HTRA1: variants seen among roughly 807,000 people sequenced by gnomAD.
The protein encoded by HTRA1 is serine protease HTRA1.
A neutral mutation model predicts 49.7 loss-of-function variants in HTRA1; 26 were observed. The observed-to-expected ratio is 0.52, with a 90% confidence interval of 0.38 to 0.73. The LOEUF (loss-of-function observed/expected upper bound fraction) is 0.73. Ranked by LOEUF, HTRA1 falls within the 30% of genes least tolerant of loss-of-function variation. The pLI is 0.00. For synonymous variants in HTRA1, 291 were observed against 286.9 expected, an observed-to-expected ratio of 1.01 and a Z score of -0.14; for missense variants, 561 against 667.2, an observed-to-expected ratio of 0.84 and a Z score of 1.75.
At chr10:122,503,208 G>A (rs2097501667) in intron 3 of HTRA1, among the ~76,000 whole-genome samples, 1 of 152,246 alleles carries the variant, frequency 6.6e-6, no homozygotes, top group Admixed American at 6.5e-5. Flanking sequence ...CGGCGCCTGT[G>A]GCTGTGCACT....
intron 1 of HTRA1, among the ~76,000 whole-genome samples, chr10:122,483,409 C>T (rs143582715): frequency 1.3e-5 from 2 of 152,136 alleles, no homozygotes; most frequent in Non-Finnish European, 2.9e-5. Context: ...GAAATATTTA[C>T]TAGGTAAGTG....
At chr10:122,500,280 C>G (rs1371035418) in intron 3 of HTRA1, among the ~76,000 whole-genome samples, 1 of 152,182 alleles carries the variant, frequency 6.6e-6, no homozygotes, top group African/African-American at 2.4e-5. Flanking sequence ...ATCATCTGAC[C>G]CCATTGGGGA....
intron 3 of HTRA1, among the ~76,000 whole-genome samples, chr10:122,501,961 GTTTTTTTTTTTTTT>G (rs541582341): frequency 1.1e-4 from 8 of 73,532 alleles, no homozygotes; most frequent in African/African-American, 1.2e-4. Flanking sequence ...TCCATTTGGA[GTTTTTTTTTTTTTT>G]TTTTTTTTTT....
At chr10:122,474,584 A>G (rs1158913367) in intron 1 of HTRA1, among the ~76,000 whole-genome samples, 1 of 152,162 alleles carries the variant, frequency 6.6e-6, no homozygotes, top group Non-Finnish European at 1.5e-5. Context: ...AGACATAACA[A>G]CCTATGTTGA....
rs1275952512 is a variant in HTRA1 at position 122,496,225 on chromosome 10, GTTCTTTTTTTTTTTTTTT to G, written c.777+6602_777+6619del. 5.0e-4 allele frequency among the ~76,000 whole-genome samples: 40 copies of G among 80,406 alleles called. 3 individuals are homozygous for G. Among genetic ancestry groups the G allele is most frequent in the Admixed American group, 7.7e-4 (5 of 6,506 alleles). The allele number at this position is 80,406 out of a possible 152,430, so 52.7% of individuals were successfully genotyped here. On this transcript the variant is annotated intron_variant, in intron 3 of 8. Coordinates refer to ENST00000368984, the MANE Select transcript of HTRA1 (RefSeq NM_002775.5). ...CCCTTTCGTTTGCCAGAGATTGTGG[GTTCTTTTTTTTTTTTTTT>G]TTTTTTTTTTTTTTTTGCAGAGATG...
In HTRA1 at chr10:122,487,322, G is replaced by A. The variant is rs1591031539; in HGVS notation, c.473-1580G>A. On this transcript the variant is annotated intron_variant, in intron 1 of 8. Transcript: ENST00000368984. The surrounding 1 kb of genome is among the most constrained non-coding windows in gnomAD (Gnocchi z 4.8). ...TTTAGCAGAGACTTGTTAAGAGGTA[G>A]CAGCAGGTGGCAAGATTAGGAGCCG... is the stretch of plus-strand genomic sequence containing the variant. Among the ~76,000 whole-genome samples the A allele has an allele frequency of 1.3e-5, 2 of 152,288 alleles. No homozygotes were observed. The highest frequency in any genetic ancestry group is 2.1e-4 in the South Asian group (1 of 4,824).
At chr10:122,499,041 A>G (rs2097499848) in intron 3 of HTRA1, among the ~76,000 whole-genome samples, 1 of 152,100 alleles carries the variant, frequency 6.6e-6, no homozygotes, top group Non-Finnish European at 1.5e-5. Context: ...TTGGTGGTGC[A>G]GGGATCAGGC....
chr10:122,489,734 C>G, intron 3 of HTRA1, 108 bp downstream of exon 3: 1 of 968,582 alleles, frequency 1.0e-6, no homozygotes, highest in Admixed American at 2.0e-5. Context: ...GGCACTGAAG[C>G]CAGTCTGAGC....
At chr10:122,493,973 A>T (rs995133092) in intron 3 of HTRA1, among the ~76,000 whole-genome samples, 1 of 151,648 alleles carries the variant, frequency 6.6e-6, no homozygotes, top group Non-Finnish European at 1.5e-5. Context: ...CCAGCTCCTC[A>T]TGCAGCCAAC....
intron 3 of HTRA1, among the ~76,000 whole-genome samples, chr10:122,496,223 GGGTTCTT>G (rs1242949011): frequency 6.1e-4 from 24 of 39,206 alleles, no homozygotes; most frequent in African/African-American, 1.7e-3. Context: ...CAGAGATTGT[GGGTTCTT>G]TTTTTTTTTT....
intron 1 of HTRA1, among the ~76,000 whole-genome samples, chr10:122,477,321 A>G (rs1475605727): frequency 1.3e-5 from 2 of 152,080 alleles, no homozygotes; most frequent in East Asian, 1.9e-4. Flanking sequence ...CCAAAGAAAT[A>G]TAAGATGAGC....
intron 1 of HTRA1, among the ~76,000 whole-genome samples, chr10:122,481,723 G>A (rs542414571): frequency 2.6e-5 from 4 of 152,284 alleles, no homozygotes; most frequent in Admixed American, 2.6e-4. Flanking sequence ...CACATGTTGT[G>A]GGAGGGACCC....
At chr10:122,507,522 G>C (rs1483532486) in intron 5 of HTRA1, 120 bp downstream of exon 5, 1 of 792,640 alleles carries the variant, frequency 1.3e-6, no homozygotes, top group Admixed American at 1.9e-5. Context: ...ACATAAGGTT[G>C]CCAAAGTGTA....
chr10:122,502,366 C>T (rs565432420), intron 3 of HTRA1, among the ~76,000 whole-genome samples: 18 of 152,056 alleles, frequency 1.2e-4, no homozygotes, highest in South Asian at 8.3e-4. Context: ...TGCTGTGGGC[C>T]GCCTCTTCCA....
At position 122,508,636 on chromosome 10, in the gene HTRA1, G is replaced by A. The variant is rs111434887; in HGVS notation, c.1006-20G>A. ...GTAAAGCTTCACGATTCAGTAAGCC[G>A]TGTCCTTCTTGCTTTTCAGGACGGT... On this transcript the variant is annotated intron_variant, in intron 5 of 8. Coordinates refer to ENST00000368984, the MANE Select transcript of HTRA1 (RefSeq NM_002775.5). 1,943 of 1,466,604 alleles carry A rather than the reference G, an allele frequency of 1.3e-3. 28 individuals are homozygous for A. The African/African-American group carries it at 0.024, about 18-fold the overall frequency. 90.8% of individuals were successfully genotyped at this position (1,466,604 alleles called of 1,614,324 possible).
rs373287445 is a variant in HTRA1, at chr10:122,506,870, C to T, written c.957C>T (p.Thr319=). The change falls in exon 4 of 9, where the codon ACC becomes ACT. Residue 319 remains threonine (T), a synonymous_variant. Coordinates refer to ENST00000368984, the MANE Select transcript of HTRA1 (RefSeq NM_002775.5). The surrounding 1 kb of genome is among the most constrained non-coding windows in gnomAD (Gnocchi z 5.2). Reference sequence around the variant, plus strand: ...ACTCAGACATGGACTACATCCAGACCGACGCCATCATCAACGTGAGCCTCT... The same window carrying T: ...ACTCAGACATGGACTACATCCAGACTGACGCCATCATCAACGTGAGCCTCT... ...LRNSDMDYIQ[T]DAIINYGNSG... The T allele has an allele frequency of 4.6e-5, 74 of 1,613,370 alleles. No individual in the cohort carries two copies. The highest frequency in any genetic ancestry group is 1.6e-4 in the Middle Eastern group (1 of 6,084).
At chr10:122,500,894 T>C (rs1244289603) in intron 3 of HTRA1, among the ~76,000 whole-genome samples, 1 of 152,128 alleles carries the variant, frequency 6.6e-6, no homozygotes, top group Non-Finnish European at 1.5e-5. Flanking sequence ...CTTGGGTTCT[T>C]CCTAAACTTC....
At chr10:122,492,926 G>A (rs1210055215) in intron 3 of HTRA1, among the ~76,000 whole-genome samples, 1 of 152,124 alleles carries the variant, frequency 6.6e-6, no homozygotes. Context: ...AGCCCCTGCT[G>A]TTGAGCCCCC....
intron 3 of HTRA1, among the ~76,000 whole-genome samples, chr10:122,504,328 A>G (rs1302413888): frequency 6.6e-6 from 1 of 152,190 alleles, no homozygotes; most frequent in Non-Finnish European, 1.5e-5. Flanking sequence ...TGAGACATAG[A>G]GCCTGGGCCT....
Sources: gnomAD v4.1 joint callset for allele counts (sites outside exome capture counted in the v4.1 genomes callset) on GRCh38, gnomAD v4.1.1 for gene constraint, Gnocchi (gnomAD v3.1) non-coding constraint, MANE v1.5 for transcripts, NCBI Gene and HGNC (gene_info 2026-07-23, HGNC 2026-07-21) for gene names.